Variants in NRIP3 observed in about 807,000 individuals in gnomAD.
The protein encoded by NRIP3 is nuclear receptor interacting protein 3, also known as nuclear receptor-interacting protein 3.
In NRIP3, 31 loss-of-function variants were observed where a neutral mutation model predicts 29.0. That is an observed-to-expected ratio of 1.07 (90% CI 0.80 to 1.44). The LOEUF is 1.44. NRIP3 is among the 40% of genes most tolerant of loss of function. NRIP3 has a pLI of 0.00. For synonymous variants in NRIP3, 131 were observed against 118.3 expected, an observed-to-expected ratio of 1.11 and a Z score of -0.70; for missense variants, 314 against 297.9, an observed-to-expected ratio of 1.05 and a Z score of -0.40.
chr11:8,994,680 A>G (rs1047655188), intron 1 of NRIP3, among the ~76,000 whole-genome samples: 1 of 152,228 alleles, frequency 6.6e-6, no homozygotes, highest in Non-Finnish European at 1.5e-5. Flanking sequence ...CAATGCTGCA[A>G]TAAACTCAAC....
chr11:9,002,438 A>G (rs1260473249), intron 1 of NRIP3, among the ~76,000 whole-genome samples: 4 of 152,054 alleles, frequency 2.6e-5, no homozygotes, highest in African/African-American at 9.7e-5. Context: ...AGCAAAACAA[A>G]ACAAAAAAAC....
Position 8,982,958 on chromosome 11 carries a change from C to G in NRIP3, c.*587G>C. 2.2e-6 allele frequency: 1 copy of G among 456,458 alleles called. No homozygotes were observed. Among genetic ancestry groups the G allele is most frequent in the Non-Finnish European group, 4.4e-6 (1 of 226,938 alleles). 28.3% of individuals were successfully genotyped at this position (456,458 alleles called of 1,614,324 possible). ...CGTTCTTGGTCCCTTCAGTCACTGA[C>G]CTAATATATGAACTTAGACAATTCA... On this transcript the variant is annotated 3_prime_UTR_variant, in exon 7 of 7. Transcript: ENST00000309166.
At position 8,982,888 on chromosome 11, in the gene NRIP3, T is replaced by C. The variant is rs1854444172; in HGVS notation, c.*657A>G. ...TTTGCCCTCCTGTTAAAGGCTTGAATACAAATGAGGCAGCATGGGAGTCTT... is the reference window on the plus strand; with the variant it reads ...TTTGCCCTCCTGTTAAAGGCTTGAACACAAATGAGGCAGCATGGGAGTCTT... On this transcript the variant is annotated 3_prime_UTR_variant, in exon 7 of 7. Coordinates refer to ENST00000309166, the MANE Select transcript of NRIP3 (RefSeq NM_020645.3). The C allele has an allele frequency of 2.2e-6, 1 of 446,346 alleles. No homozygotes were observed. The highest frequency in any genetic ancestry group is 2.0e-5 in the African/African-American group (1 of 49,230). 27.6% of individuals were successfully genotyped at this position (446,346 alleles called of 1,614,324 possible).
rs1854449019 is a variant in NRIP3, at chr11:8,983,152, G to T, written c.*393C>A. The stretch of plus-strand genomic sequence containing the variant: ...TTGAAACAGCTGAAAGGAGGTAAAG[G>T]TCAGGTTCCTGTTTATTATACATTT... On this transcript the variant is annotated 3_prime_UTR_variant, in exon 7 of 7. Transcript: ENST00000309166. The T allele has an allele frequency of 2.5e-6, 1 of 393,650 alleles. No homozygotes were observed. The highest frequency in any genetic ancestry group is 4.8e-6 in the Non-Finnish European group (1 of 208,064). The allele number at this position is 393,650 out of a possible 1,614,324, so 24.4% of individuals were successfully genotyped here. A position where few individuals can be genotyped will look rare whatever the true frequency, so the allele number is the denominator to read the frequency against.
chr11:8,995,399 T>C (rs1367850462), intron 1 of NRIP3, among the ~76,000 whole-genome samples: 1 of 152,230 alleles, frequency 6.6e-6, no homozygotes, highest in Admixed American at 6.5e-5. Flanking sequence ...CTCCAAAGAC[T>C]TGTTCAGTTT....
chr11:8,996,729 T>C (rs1052824722), intron 1 of NRIP3, among the ~76,000 whole-genome samples: 2 of 152,242 alleles, frequency 1.3e-5, no homozygotes, highest in African/African-American at 2.4e-5. Flanking sequence ...TATTGACATA[T>C]TGGCTTTCCA....
intron 1 of NRIP3, among the ~76,000 whole-genome samples, chr11:8,992,372 A>C (rs1406753775): frequency 6.6e-6 from 1 of 152,188 alleles, no homozygotes; most frequent in Non-Finnish European, 1.5e-5. Flanking sequence ...TATCATACTA[A>C]GCCAGAACTG....
intron 1 of NRIP3, among the ~76,000 whole-genome samples, chr11:8,992,511 A>T (rs1041753465): frequency 1.3e-5 from 2 of 152,254 alleles, no homozygotes; most frequent in Non-Finnish European, 2.9e-5. Flanking sequence ...ATTCCACAAG[A>T]TTCCAAAGAG....
chr11:8,983,477 C>A lies in NRIP3; in HGVS notation c.*68G>T. ...AAGTCACTACGGCATTTGGTTCAAA[C>A]CCAGTTTTCTCTATCTGTCAACCCG... On this transcript the variant is annotated 3_prime_UTR_variant, in exon 7 of 7. Coordinates refer to ENST00000309166, the MANE Select transcript of NRIP3 (RefSeq NM_020645.3). The A allele has an allele frequency of 6.5e-7, 1 of 1,529,108 alleles. No individual in the cohort carries two copies. The highest frequency in any genetic ancestry group is 1.8e-5 in the Admixed American group (1 of 55,302). 94.7% of individuals were successfully genotyped at this position (1,529,108 alleles called of 1,614,324 possible).
chr11:8,998,576 T>C (rs954175891), intron 1 of NRIP3, among the ~76,000 whole-genome samples: 1 of 152,124 alleles, frequency 6.6e-6, no homozygotes, highest in Non-Finnish European at 1.5e-5. Flanking sequence ...AAGGTGTAAA[T>C]AGATGCCAGT....
In NRIP3 at chr11:8,997,052, T is replaced by C. The variant is rs192119287; in HGVS notation, c.174+6710A>G. On this transcript the variant is annotated intron_variant, in intron 1 of 6. Coordinates refer to ENST00000309166, the MANE Select transcript of NRIP3 (RefSeq NM_020645.3). ...ATGATCACGACACTGCACTTTAGCC[T>C]GGGTGACAGAGTGAGACTCTGTCTC... Among the ~76,000 whole-genome samples the C allele has an allele frequency of 3.5e-3, 529 of 152,118 alleles. 4 individuals carry two copies. The highest frequency in any genetic ancestry group is 5.2e-3 in the Non-Finnish European group (354 of 67,992).
At chr11:8,998,232 A>T (rs568912986) in intron 1 of NRIP3, among the ~76,000 whole-genome samples, 22 of 152,316 alleles carry the variant, frequency 1.4e-4, no homozygotes, top group African/African-American at 5.3e-4. Context: ...TACCCCATGG[A>T]AACACAGATT....
intron 1 of NRIP3, among the ~76,000 whole-genome samples, chr11:9,002,351 T>C (rs926960706): frequency 1.3e-5 from 2 of 152,084 alleles, no homozygotes; most frequent in African/African-American, 4.8e-5. Context: ...GTTATCTCTT[T>C]TGCAGGAGCA....
Position 9,003,775 on chromosome 11 carries a change from G to A in NRIP3, c.161C>T (p.Ser54Leu), listed in dbSNP as rs1484901222. The A allele has an allele frequency of 6.8e-7, 1 of 1,471,822 alleles. No individual in the cohort carries two copies. The highest frequency in any genetic ancestry group is 9.0e-7 in the Non-Finnish European group (1 of 1,106,078). The allele number at this position is 1,471,822 out of a possible 1,614,324, so 91.2% of individuals were successfully genotyped here. ...LPLDGLKKLG[S>L]SKDMQPHNIL... ...GCGGGGGCTCACCATGTCCTTGGACGAGCCCAGCTTCTTGAGGCCGTCCAG... is the reference window on the plus strand; with the variant it reads ...GCGGGGGCTCACCATGTCCTTGGACAAGCCCAGCTTCTTGAGGCCGTCCAG... The change falls in exon 1 of 7, where the codon TCG (serine) becomes TTG (leucine). Residue 54 changes from serine to leucine, a missense_variant. Coordinates refer to ENST00000309166, the MANE Select transcript of NRIP3 (RefSeq NM_020645.3).
At chr11:8,986,790 G>A (rs117723086) in intron 3 of NRIP3, among the ~76,000 whole-genome samples, 2,944 of 152,240 alleles carry the variant, frequency 0.019, 36 homozygotes, top group East Asian at 0.032. Context: ...AGGCTGAAGC[G>A]GGCAGATTGC....
chr11:9,002,144 A>C (rs1258916653), intron 1 of NRIP3, among the ~76,000 whole-genome samples: 3 of 152,198 alleles, frequency 2.0e-5, no homozygotes, highest in African/African-American at 7.2e-5. Context: ...ACTCCTCGAC[A>C]ACGAGGGACA....
At chr11:8,987,956 C>G (rs917013803) in intron 2 of NRIP3, among the ~76,000 whole-genome samples, 162 bp downstream of exon 2, 2 of 152,212 alleles carry the variant, frequency 1.3e-5, no homozygotes, top group Non-Finnish European at 2.9e-5. Context: ...TAAAGATGCA[C>G]ATGCTTACAA....
chr11:8,982,543 G>C lies in NRIP3; in HGVS notation c.*1002C>G, dbSNP rs547873347. 5 of 160,322 alleles carry C rather than the reference G, an allele frequency of 3.1e-5. No individual in the cohort carries two copies. The East Asian group carries it at 9.3e-4, about 30-fold the overall frequency. 9.9% of individuals were successfully genotyped at this position (160,322 alleles called of 1,614,324 possible). ...TGGGCAGAAATGCTGATCGGATCTTGGGAGTAATCAACGTCTGACAGTGAC... is the reference window on the plus strand; with the variant it reads ...TGGGCAGAAATGCTGATCGGATCTTCGGAGTAATCAACGTCTGACAGTGAC... On this transcript the variant is annotated 3_prime_UTR_variant, in exon 7 of 7. Coordinates refer to ENST00000309166, the MANE Select transcript of NRIP3 (RefSeq NM_020645.3).
intron 2 of NRIP3, 73 bp downstream of exon 2, chr11:8,988,045 A>G (rs1413526208): frequency 2.4e-5 from 35 of 1,443,376 alleles, no homozygotes; most frequent in Non-Finnish European, 3.4e-5. Flanking sequence ...CCCACACTCT[A>G]TAAAGTCAGG....
Sources: allele counts gnomAD v4.1 joint callset (sites outside exome capture counted in the v4.1 genomes callset), GRCh38; gene constraint gnomAD v4.1.1; transcripts MANE v1.5; gene names NCBI Gene and HGNC (gene_info 2026-07-23, HGNC 2026-07-21).